The following ATP1B3 variants were observed in gnomAD, a reference collection of about 807,000 sequenced individuals.
The protein encoded by ATP1B3 is sodium/potassium-transporting ATPase subunit beta-3.
A neutral mutation model predicts 30.2 loss-of-function variants in ATP1B3; 10 were observed. The observed-to-expected ratio is 0.33, with a 90% CI of 0.20 to 0.56. The LOEUF (loss-of-function observed/expected upper bound fraction) is 0.56, where lower values mean the gene tolerates loss of function less well. ATP1B3 is among the 20% of genes least tolerant of loss of function. The pLI is 0.90. For missense variants in ATP1B3, 238 were observed against 336.7 expected (o/e 0.71, Z 2.29); for synonymous variants, 113 against 117.0 (o/e 0.97, Z 0.22).
At position 141,903,744 on chromosome 3, in the gene ATP1B3, C is replaced by A. The variant is rs1576395575; in HGVS notation, c.234C>A (p.Ser78Arg). ...EVPKYRDQIP[S>R]PGLMVFPKPV... The stretch of plus-strand genomic sequence containing the variant: ...CAAAATACCGTGACCAGATTCCTAG[C>A]CCAGGTAATTATCTTGCAGTTATGA... Residue 78 changes from serine to arginine, a missense_variant, in exon 2 of 7, where the codon AGC (serine) becomes AGA (arginine). Transcript: ENST00000286371. The A allele has an allele frequency of 6.2e-7, 1 of 1,613,604 alleles. No homozygotes were observed. The highest frequency in any genetic ancestry group is 1.1e-5 in the South Asian group (1 of 91,038).
intron 1 of ATP1B3, among the ~76,000 whole-genome samples, chr3:141,896,568 A>G (rs1194387761): frequency 6.6e-6 from 1 of 152,096 alleles, no homozygotes; most frequent in South Asian, 2.1e-4. Flanking sequence ...AGTTCTTCAT[A>G]TATTCTAGAT....
intron 1 of ATP1B3, chr3:141,877,654 C>G (rs534804521): frequency 1.1e-4 from 16 of 150,044 alleles, no homozygotes; most frequent in Non-Finnish European, 2.4e-4. Context: ...CTGAACAACA[C>G]AGGTTTTTTT....
At chr3:141,877,439 A>G (rs986608244) in intron 1 of ATP1B3, 3 of 152,262 alleles carry the variant, frequency 2.0e-5, no homozygotes, top group Non-Finnish European at 4.4e-5. Context: ...ACCGGTCGGA[A>G]GAGTGCGACT....
intron 3 of ATP1B3, 133 bp downstream of exon 3, chr3:141,907,407 G>C: frequency 1.8e-6 from 1 of 570,030 alleles, no homozygotes; most frequent in East Asian, 3.3e-5. Flanking sequence ...ATCACCTGAG[G>C]TTAGGAGCCA....
chr3:141,891,746 TTTTAC>T lies in ATP1B3; in HGVS notation c.110-11870_110-11866del, dbSNP rs539956825. ...TAATGAATGCATCTAGGGCTATGGG[TTTTAC>T]TTTGAGTTCTGCTCTGATTACATTA... On this transcript the variant is annotated intron_variant, in intron 1 of 6. Transcript: ENST00000286371. Among the ~76,000 whole-genome samples, 3 of 152,180 alleles carry T rather than the reference TTTTAC, an allele frequency of 2.0e-5. No homozygotes were observed. In the South Asian group the frequency reaches 6.2e-4, roughly 32 times the overall value.
At chr3:141,916,075 TAA>T in intron 5 of ATP1B3, 55 bp downstream of exon 5, 1 of 1,464,226 alleles carries the variant, frequency 6.8e-7, no homozygotes, top group African/African-American at 1.4e-5. Flanking sequence ...TAAAATACTT[TAA>T]AAGTCTAATG....
chr3:141,888,903 A>G (rs1202610722), intron 1 of ATP1B3, among the ~76,000 whole-genome samples: 2 of 151,400 alleles, frequency 1.3e-5, no homozygotes, highest in Non-Finnish European at 2.9e-5. Context: ...AGTCAATTAA[A>G]CCTCTTTCCT....
At chr3:141,881,912 T>C (rs760146772) in intron 1 of ATP1B3, among the ~76,000 whole-genome samples, 1 of 151,734 alleles carries the variant, frequency 6.6e-6, no homozygotes, top group Non-Finnish European at 1.5e-5. Flanking sequence ...AAGTACTTCC[T>C]GGATTGTCCA....
At chr3:141,915,429 A>C (rs561854074) in intron 4 of ATP1B3, among the ~76,000 whole-genome samples, 1 of 152,308 alleles carries the variant, frequency 6.6e-6, no homozygotes, top group African/African-American at 2.4e-5. Flanking sequence ...TAAATATGTG[A>C]GTTTATTCAG....
intron 1 of ATP1B3, among the ~76,000 whole-genome samples, chr3:141,879,497 C>A (rs1223282270): frequency 2.0e-5 from 3 of 151,806 alleles, no homozygotes; most frequent in African/African-American, 4.8e-5. Context: ...TGGGGCCGGG[C>A]GCGGTGGCTC....
At chr3:141,893,984 G>A (rs1934010486) in intron 1 of ATP1B3, among the ~76,000 whole-genome samples, 3 of 152,282 alleles carry the variant, frequency 2.0e-5, no homozygotes, top group Non-Finnish European at 4.4e-5. Context: ...GGTATAGACT[G>A]TTGCTCCTAG....
chr3:141,916,337 C>G (rs1934463315), intron 5 of ATP1B3: 1 of 476,250 alleles, frequency 2.1e-6, no homozygotes, highest in Non-Finnish European at 4.1e-6. Flanking sequence ...TTGATGGTGT[C>G]TTAATACTGT....
rs901417440 is a variant in ATP1B3, at chr3:141,908,629, A to T, written c.346+1355A>T. Among the ~76,000 whole-genome samples the T allele has an allele frequency of 2.6e-5, 4 of 152,310 alleles. No homozygotes were observed. In the East Asian group the frequency reaches 7.7e-4, roughly 29 times the overall value. ...TGCCCCTGAGCAGATACTGAGCAGGACTAATTAGCACTGTGAGTACTTGAG... is the reference window on the plus strand; with the variant it reads ...TGCCCCTGAGCAGATACTGAGCAGGTCTAATTAGCACTGTGAGTACTTGAG... On this transcript the variant is annotated intron_variant, in intron 3 of 6. Coordinates refer to ENST00000286371, the MANE Select transcript of ATP1B3 (RefSeq NM_001679.4).
At chr3:141,891,017 T>C (rs1933941083) in intron 1 of ATP1B3, among the ~76,000 whole-genome samples, 2 of 152,356 alleles carry the variant, frequency 1.3e-5, no homozygotes, top group Non-Finnish European at 2.9e-5. Flanking sequence ...TTAATTGTAA[T>C]GGTTTTAAAT....
chr3:141,878,254 C>T (rs548928059), intron 1 of ATP1B3, among the ~76,000 whole-genome samples: 3 of 152,334 alleles, frequency 2.0e-5, no homozygotes, highest in African/African-American at 7.2e-5. Context: ...TATTATTTTA[C>T]AGATGCCTTG....
At chr3:141,886,231 T>C (rs1933830305) in intron 1 of ATP1B3, among the ~76,000 whole-genome samples, 1 of 152,086 alleles carries the variant, frequency 6.6e-6, no homozygotes, top group Admixed American at 6.6e-5. Context: ...CACACCCCAT[T>C]ATGCACCCTA....
At chr3:141,922,635 A>G (rs1051175329) in intron 6 of ATP1B3, among the ~76,000 whole-genome samples, 11 of 151,510 alleles carry the variant, frequency 7.3e-5, no homozygotes, top group African/African-American at 2.7e-4. Flanking sequence ...GTTGGGTGAC[A>G]GAATGGGATT....
rs1386176960 is a variant in ATP1B3, at chr3:141,903,767, T to C, written c.238+19T>C. ...AGCCCAGGTAATTATCTTGCAGTTA[T>C]GACTTTGTTTTTTGTTTTTTGTTTT... On this transcript the variant is annotated intron_variant, in intron 2 of 6. Coordinates refer to ENST00000286371, the MANE Select transcript of ATP1B3 (RefSeq NM_001679.4). The C allele has an allele frequency of 2.5e-6, 4 of 1,603,196 alleles. No homozygotes were observed. The East Asian group carries it at 6.7e-5, about 27-fold the overall frequency.
At chr3:141,885,388 A>G (rs1933808011) in intron 1 of ATP1B3, among the ~76,000 whole-genome samples, 1 of 151,214 alleles carries the variant, frequency 6.6e-6, no homozygotes, top group African/African-American at 2.4e-5. Flanking sequence ...ACTCCCACCA[A>G]CCTTGTCCTC....
Sources: gnomAD v4.1 joint callset for allele counts (sites outside exome capture counted in the v4.1 genomes callset) on GRCh38, gnomAD v4.1.1 for gene constraint, MANE v1.5 for transcripts, NCBI Gene and HGNC (gene_info 2026-07-23, HGNC 2026-07-21) for gene names.